Variants in NAA38 observed in about 807,000 individuals in gnomAD.
NAA38 encodes LSM domain containing 1.
NAA38 carries 15 observed loss-of-function variants against 12.6 expected under a neutral mutation model. The observed-to-expected ratio is 1.19, with a 90% CI of 0.79 to 1.83. The LOEUF is 1.83. Ranked by LOEUF, NAA38 falls within the 40% of genes most tolerant of loss-of-function variation. The pLI, the probability that NAA38 is intolerant of heterozygous loss-of-function variation, is 0.00. For synonymous variants in NAA38, 88 were observed against 69.9 expected (o/e 1.26, Z -1.29); for missense variants, 183 against 171.7 (o/e 1.07, Z -0.37).
chr17:7,871,057 C>T (rs1014764201), intron 2 of NAA38, among the ~76,000 whole-genome samples: 13 of 152,260 alleles, frequency 8.5e-5, no homozygotes, highest in Admixed American at 8.5e-4. Context: ...GATGCCACAC[C>T]ATCATATCGA....
At chr17:7,877,143 T>C (rs1967188519) in intron 2 of NAA38, 1 of 321,686 alleles carries the variant, frequency 3.1e-6, no homozygotes, top group South Asian at 2.3e-5. Context: ...ACGTAATCAA[T>C]GAAGCTACTT....
chr17:7,870,182 A>C (rs1967061952), intron 2 of NAA38, among the ~76,000 whole-genome samples: 1 of 152,132 alleles, frequency 6.6e-6, no homozygotes, highest in Non-Finnish European at 1.5e-5. Context: ...GGATTGCTTG[A>C]GCCTGGGAGG....
At chr17:7,874,407 C>T (rs185982731) in intron 2 of NAA38, among the ~76,000 whole-genome samples, 2 of 152,130 alleles carry the variant, frequency 1.3e-5, no homozygotes, top group African/African-American at 4.8e-5. Flanking sequence ...CATGTGGATC[C>T]TAAGGTCACC....
chr17:7,880,922 T>G (rs905491424), intron 2 of NAA38, among the ~76,000 whole-genome samples: 17 of 152,134 alleles, frequency 1.1e-4, no homozygotes, highest in African/African-American at 4.1e-4. Flanking sequence ...AAAAGACACG[T>G]GCTTTGGGTA....
At chr17:7,857,349 G>A in intron 1 of NAA38, 34 bp downstream of exon 1, 1 of 1,613,026 alleles carries the variant, frequency 6.2e-7, no homozygotes, top group Non-Finnish European at 8.5e-7. Flanking sequence ...CTGCTTGACT[G>A]CCCCTCAGTC....
At chr17:7,871,843 T>C (rs957160744) in intron 2 of NAA38, among the ~76,000 whole-genome samples, 2 of 152,230 alleles carry the variant, frequency 1.3e-5, no homozygotes, top group African/African-American at 4.8e-5. Context: ...TTAGTAGTGA[T>C]GGGGTTTCAC....
chr17:7,856,860 G>A lies in NAA38; in HGVS notation c.266-17C>T, dbSNP rs2078820673. On this transcript the variant is annotated splice_polypyrimidine_tract_variant and intron_variant, in intron 2 of 2. Transcript: ENST00000575771. ...AGAAGGAATCTGGAAAGAAGGATCA[G>A]AGCATCAGGAAAGTAGGCCAGAATC... 3 of 1,612,376 alleles carry A rather than the reference G, an allele frequency of 1.9e-6. No individual in the cohort carries two copies. Among genetic ancestry groups the A allele is most frequent in the African/African-American group, 1.3e-5 (1 of 74,918 alleles).
intron 2 of NAA38, among the ~76,000 whole-genome samples, chr17:7,868,334 C>T (rs1453209453): frequency 2.0e-5 from 3 of 152,090 alleles, no homozygotes; most frequent in African/African-American, 4.8e-5. Context: ...AAGACCTGAG[C>T]GACCATGGAT....
chr17:7,857,256 C>G (rs144163075), intron 1 of NAA38, 58 bp from the exon 2 acceptor site: 16 of 1,610,064 alleles, frequency 9.9e-6, no homozygotes, highest in East Asian at 8.9e-5. Context: ...GCCCGCGGAA[C>G]CACAGCTCCC....
At chr17:7,862,086 A>G (rs565265100), upstream of NAA38, 15 of 152,136 alleles carry the variant, frequency 9.9e-5, no homozygotes, top group African/African-American at 3.6e-4. Context: ...GTGGGTCAAG[A>G]CTTTCTGATA....
chr17:7,871,851 C>T (rs544576970), intron 2 of NAA38, among the ~76,000 whole-genome samples: 7 of 152,160 alleles, frequency 4.6e-5, no homozygotes, highest in Non-Finnish European at 8.8e-5. Flanking sequence ...GATGGGGTTT[C>T]ACCACGTTGG....
upstream of NAA38, chr17:7,858,938 C>T (rs890108502): frequency 9.8e-7 from 1 of 1,024,230 alleles, no homozygotes; most frequent in Non-Finnish European, 1.4e-6. Flanking sequence ...ATTTTCTGTC[C>T]TTTACATTGA....
intron 3 of NAA38, chr17:7,863,681 T>C (rs554831341): frequency 6.6e-6 from 1 of 152,304 alleles, no homozygotes; most frequent in East Asian, 1.9e-4. Context: ...TGGATGTGTA[T>C]TATTTTTGGA....
chr17:7,875,448 C>T (rs1444267775), intron 2 of NAA38, among the ~76,000 whole-genome samples: 2 of 152,072 alleles, frequency 1.3e-5, no homozygotes, highest in African/African-American at 4.8e-5. Context: ...TCTCCTCCTG[C>T]TTCAGTTTCC....
intron 2 of NAA38, among the ~76,000 whole-genome samples, chr17:7,873,838 A>G (rs1967128515): frequency 6.6e-6 from 1 of 152,236 alleles, no homozygotes; most frequent in Admixed American, 6.5e-5. Context: ...TCTATCCATT[A>G]TGATATTAAA....
chr17:7,860,783 A>T (rs1198078818), upstream of NAA38: 2 of 152,276 alleles, frequency 1.3e-5, no homozygotes, highest in Admixed American at 1.3e-4. Flanking sequence ...GCTAAGTGTC[A>T]GTTAAGCAAT....
chr17:7,871,065 C>T (rs1274548075), intron 2 of NAA38, among the ~76,000 whole-genome samples: 2 of 152,140 alleles, frequency 1.3e-5, no homozygotes, highest in East Asian at 1.9e-4. Flanking sequence ...ACCATCATAT[C>T]GAGCTAAGCA....
intron 2 of NAA38, among the ~76,000 whole-genome samples, chr17:7,873,225 T>TA (rs1446348751): frequency 6.6e-6 from 1 of 152,164 alleles, no homozygotes; most frequent in Non-Finnish European, 1.5e-5. Context: ...GGCTGACCAC[T>TA]AATCCAGACA....
chr17:7,884,948 G>A (rs1479513855), intron 1 of NAA38: 8 of 1,379,072 alleles, frequency 5.8e-6, no homozygotes, highest in East Asian at 3.0e-5. Flanking sequence ...GGAGGACGAC[G>A]ACGAGGGAGT....
Sources: allele counts gnomAD v4.1 joint callset (sites outside exome capture counted in the v4.1 genomes callset), GRCh38; gene constraint gnomAD v4.1.1; transcripts MANE v1.5; gene names NCBI Gene and HGNC (gene_info 2026-07-23, HGNC 2026-07-21).